Variants in DISC1 observed in about 807,000 individuals in gnomAD.
DISC1 encodes the protein disrupted in schizophrenia 1 protein.
A neutral mutation model predicts 84.5 loss-of-function variants in DISC1; 57 were observed. That is an observed-to-expected ratio of 0.67 (90% CI 0.55 to 0.84). The LOEUF (loss-of-function observed/expected upper bound fraction) is 0.84. Among genes scored for constraint, DISC1 ranks in the 40% least tolerant of loss-of-function variants. DISC1 has a pLI of 0.00. For missense variants in DISC1, 1,000 were observed against 1,057.8 expected (o/e 0.95, Z 0.76); for synonymous variants, 411 against 415.2 (o/e 0.99, Z 0.12).
chr1:231,945,695 A>G (rs1051960223), intron 9 of DISC1, among the ~76,000 whole-genome samples: 2 of 152,194 alleles, frequency 1.3e-5, no homozygotes, highest in Non-Finnish European at 2.9e-5. Context: ...GAAAAGATCA[A>G]CAAGACAGAT....
At chr1:231,997,872 A>C (rs931171948) in intron 10 of DISC1, among the ~76,000 whole-genome samples, 1 of 152,146 alleles carries the variant, frequency 6.6e-6, no homozygotes, top group Non-Finnish European at 1.5e-5. Context: ...TGCCTAAGGA[A>C]ATAAGAACTC....
At chr1:231,709,510 C>T (rs916820461) in intron 3 of DISC1, among the ~76,000 whole-genome samples, 1 of 152,016 alleles carries the variant, frequency 6.6e-6, no homozygotes, top group Non-Finnish European at 1.5e-5. Context: ...TGGTGTGTTT[C>T]TCTCTGGGAA....
chr1:232,027,047 G>A (rs540796803), intron 12 of DISC1, among the ~76,000 whole-genome samples: 20 of 152,196 alleles, frequency 1.3e-4, no homozygotes, highest in South Asian at 8.3e-4. Flanking sequence ...CACCGCATCC[G>A]GCCGCAATTC....
At chr1:231,807,829 A>T (rs1430809511) in intron 8 of DISC1, among the ~76,000 whole-genome samples, 2 of 152,212 alleles carry the variant, frequency 1.3e-5, no homozygotes, top group South Asian at 4.1e-4. Flanking sequence ...TTGGCACAAG[A>T]TGAAGGCCAG....
intron 12 of DISC1, among the ~76,000 whole-genome samples, chr1:232,030,513 T>C (rs1453484137): frequency 1.3e-5 from 2 of 152,206 alleles, no homozygotes; most frequent in East Asian, 1.9e-4. Flanking sequence ...TTTACATCCA[T>C]GTCTGGGAAG....
chr1:231,715,108 T>C (rs1459100403), intron 3 of DISC1, among the ~76,000 whole-genome samples: 4 of 152,174 alleles, frequency 2.6e-5, no homozygotes, highest in Non-Finnish European at 5.9e-5. Context: ...AGGTGCTGAC[T>C]CCTTGGACCA....
intron 6 of DISC1, among the ~76,000 whole-genome samples, chr1:231,771,970 ATTT>A (rs34623749): frequency 1.4e-5 from 2 of 145,598 alleles, no homozygotes; most frequent in East Asian, 2.0e-4. Context: ...ACATCTGGCT[ATTT>A]TTTTTTTTTT....
chr1:231,705,890 A>G (rs2067036000), intron 3 of DISC1, among the ~76,000 whole-genome samples: 1 of 152,186 alleles, frequency 6.6e-6, no homozygotes, highest in Non-Finnish European at 1.5e-5. Context: ...TTGCCAGAAG[A>G]AATGAGAGGG....
intron 9 of DISC1, among the ~76,000 whole-genome samples, chr1:231,916,074 C>T (rs1247982367): frequency 6.6e-6 from 1 of 152,110 alleles, no homozygotes; most frequent in Non-Finnish European, 1.5e-5. Context: ...AGAATATACA[C>T]AGTGAAGGAA....
intron 4 of DISC1, among the ~76,000 whole-genome samples, chr1:231,763,354 C>T (rs1308000433): frequency 6.6e-6 from 1 of 152,166 alleles, no homozygotes; most frequent in Non-Finnish European, 1.5e-5. Flanking sequence ...GTGAACAGTA[C>T]GTTCTTGATT....
chr1:232,012,385 G>A (rs1192663407), intron 11 of DISC1, among the ~76,000 whole-genome samples: 1 of 152,162 alleles, frequency 6.6e-6, no homozygotes, highest in Non-Finnish European at 1.5e-5. Flanking sequence ...GACTACAGAA[G>A]GTATGGGGAA....
At chr1:231,873,006 T>C (rs1036480912) in intron 9 of DISC1, among the ~76,000 whole-genome samples, 10 of 152,236 alleles carry the variant, frequency 6.6e-5, no homozygotes, top group African/African-American at 2.4e-4. Context: ...CAGGCATCCG[T>C]CAGGAGTTTG....
At chr1:231,713,761 G>A (rs551227082) in intron 3 of DISC1, among the ~76,000 whole-genome samples, 1 of 130,940 alleles carries the variant, frequency 7.6e-6, no homozygotes, top group African/African-American at 3.1e-5. Context: ...TATATATATA[G>A]GAGATATATA....
chr1:231,747,443 G>A (rs1293940075), intron 3 of DISC1, among the ~76,000 whole-genome samples: 2 of 152,182 alleles, frequency 1.3e-5, no homozygotes, highest in Non-Finnish European at 2.9e-5. Context: ...TAAGGTGAGA[G>A]ACAGGGGTCT....
intron 6 of DISC1, among the ~76,000 whole-genome samples, chr1:231,790,419 C>G (rs2078243279): frequency 6.6e-6 from 1 of 152,146 alleles, no homozygotes; most frequent in Admixed American, 6.5e-5. Context: ...TTGGTTTCTT[C>G]TGAGGCTCCT....
At chr1:231,665,404 C>T (rs1444273603) in intron 1 of DISC1, among the ~76,000 whole-genome samples, 1 of 152,180 alleles carries the variant, frequency 6.6e-6, no homozygotes, top group Non-Finnish European at 1.5e-5. Context: ...TCCCAAAAAG[C>T]AGAGAAAAGT....
At chr1:231,909,862 T>C (rs1009665291) in intron 9 of DISC1, among the ~76,000 whole-genome samples, 3 of 152,234 alleles carry the variant, frequency 2.0e-5, no homozygotes, top group African/African-American at 7.2e-5. Context: ...GAGCCTGTTA[T>C]TGGTCTATTC....
rs537374590 is a variant in DISC1, at chr1:231,913,053, A to C, written c.1982-45775A>C. Among the ~76,000 whole-genome samples, 19 of 152,094 alleles carry C rather than the reference A, an allele frequency of 1.2e-4. No individual in the cohort carries two copies. In the South Asian group the frequency reaches 3.5e-3, roughly 28 times the overall value. On this transcript the variant is annotated intron_variant, in intron 9 of 12. Transcript: ENST00000439617. ...CACCCAAGTAGCTGGGACCACAGGCACACACCACTATGCCCAGCTAATTTT... is the reference window on the plus strand; with the variant it reads ...CACCCAAGTAGCTGGGACCACAGGCCCACACCACTATGCCCAGCTAATTTT...
At chr1:231,646,048 A>T (rs1054505095) in intron 1 of DISC1, among the ~76,000 whole-genome samples, 2 of 132,506 alleles carry the variant, frequency 1.5e-5, no homozygotes, top group Admixed American at 1.6e-4. Flanking sequence ...ATAGCAGAAT[A>T]TGTACTTTTC....
Sources: allele counts gnomAD v4.1 joint callset (sites outside exome capture counted in the v4.1 genomes callset), GRCh38; gene constraint gnomAD v4.1.1; transcripts MANE v1.5; gene names NCBI Gene and HGNC (gene_info 2026-07-23, HGNC 2026-07-21).